Variants in ST8SIA2 observed in about 807,000 individuals in gnomAD.
ST8SIA2 encodes the protein alpha-2,8-sialyltransferase 8B.
ST8SIA2 carries 22 observed loss-of-function variants against 37.6 expected under a neutral mutation model. That is an observed-to-expected ratio of 0.58 (90% CI 0.42 to 0.83). The LOEUF (loss-of-function observed/expected upper bound fraction) is 0.83, where lower values mean the gene tolerates loss of function less well. Among genes scored for constraint, ST8SIA2 ranks in the 40% least tolerant of loss-of-function variants. The probability of loss-of-function intolerance (pLI) is 0.00; values close to 1 mark genes in which losing one functional copy is unlikely to be tolerated. For synonymous variants in ST8SIA2, 205 were observed against 201.2 expected, an observed-to-expected ratio of 1.02 and a Z score of -0.16; for missense variants, 382 against 484.7, an observed-to-expected ratio of 0.79 and a Z score of 1.99.
At chr15:92,429,997 C>T in intron 1 of ST8SIA2, 52 bp from the exon 2 acceptor site, 4 of 1,599,170 alleles carry the variant, frequency 2.5e-6, no homozygotes, top group South Asian at 2.2e-5. Flanking sequence ...TTGAAGAGGG[C>T]TTTGCAAAGA....
chr15:92,458,347 G>A (rs371973925), intron 5 of ST8SIA2, among the ~76,000 whole-genome samples: 3 of 152,174 alleles, frequency 2.0e-5, no homozygotes, highest in Admixed American at 6.5e-5. Flanking sequence ...TGTCTTTGTC[G>A]CAGGCTATCG....
Position 92,393,937 on chromosome 15 carries a change from C to A in ST8SIA2, c.-128C>A. Reference sequence around the variant, plus strand: ...CTGCCGCTGCCGCCGCCGGCCCGGACTCGTCCGGAGCGCAGGGTGTCTGCC... The same window carrying A: ...CTGCCGCTGCCGCCGCCGGCCCGGAATCGTCCGGAGCGCAGGGTGTCTGCC... On this transcript the variant is annotated 5_prime_UTR_variant, in exon 1 of 6. Transcript: ENST00000268164. 2.6e-6 allele frequency: 1 copy of A among 390,432 alleles called. No homozygotes were observed. Among genetic ancestry groups the A allele is most frequent in the Non-Finnish European group, 4.0e-6 (1 of 249,556 alleles). 24.2% of individuals were successfully genotyped at this position (390,432 alleles called of 1,614,324 possible).
intron 2 of ST8SIA2, 151 bp downstream of exon 2, chr15:92,430,262 G>T (rs535205207): frequency 7.4e-6 from 6 of 808,624 alleles, no homozygotes; most frequent in Non-Finnish European, 1.2e-5. Context: ...ACTTTTGGGG[G>T]GAGCTGTCAA....
intron 5 of ST8SIA2, among the ~76,000 whole-genome samples, chr15:92,458,985 AAG>A (rs1351677306): frequency 6.6e-6 from 1 of 152,162 alleles, no homozygotes; most frequent in African/African-American, 2.4e-5. Context: ...GGAGGTGGGA[AAG>A]AGAGTTCACC....
At chr15:92,412,910 G>A (rs1360476479) in intron 1 of ST8SIA2, among the ~76,000 whole-genome samples, 4 of 152,108 alleles carry the variant, frequency 2.6e-5, no homozygotes, top group East Asian at 1.9e-4. Flanking sequence ...CGCCCACCTC[G>A]GCCTCCCAAA....
rs764304996 is a variant in ST8SIA2 at position 92,444,759 on chromosome 15, G to A, written c.672G>A (p.Glu224=). 1 of 1,614,192 alleles carries A rather than the reference G, an allele frequency of 6.2e-7. No homozygotes were observed. Among genetic ancestry groups the A allele is most frequent in the Non-Finnish European group, 8.5e-7 (1 of 1,180,044 alleles). The change falls in exon 5 of 6, where the codon GAG becomes GAA. Residue 224 remains glutamate (E), a synonymous_variant. Transcript: ENST00000268164. ...FEDLVNATWR[E]KLLQRLHSLN... is the part of the protein sequence containing the mutation. ...ACTTGGTCAATGCCACGTGGCGGGA[G>A]AAGCTGCTGCAACGGCTGCACAGCC...
intron 3 of ST8SIA2, among the ~76,000 whole-genome samples, 194 bp from the exon 4 acceptor site, chr15:92,438,159 C>T (rs534526981): frequency 2.8e-4 from 43 of 152,310 alleles, no homozygotes; most frequent in Non-Finnish European, 6.0e-4. Flanking sequence ...TGGCCACCAC[C>T]GTAGTTGCTT....
At chr15:92,394,617 G>A (rs1022761824) in intron 1 of ST8SIA2, among the ~76,000 whole-genome samples, 19 of 152,312 alleles carry the variant, frequency 1.2e-4, no homozygotes, top group African/African-American at 4.3e-4. Context: ...TGAGCTGGGG[G>A]AGGGGTTCCT....
At chr15:92,427,261 A>C (rs1488512328) in intron 1 of ST8SIA2, among the ~76,000 whole-genome samples, 1 of 32,832 alleles carries the variant, frequency 3.0e-5, no homozygotes, top group Non-Finnish European at 5.3e-5. Flanking sequence ...GGCACTTGGC[A>C]AAAAAAAAAA....
At chr15:92,404,901 C>T (rs1360188409) in intron 1 of ST8SIA2, among the ~76,000 whole-genome samples, 1 of 151,274 alleles carries the variant, frequency 6.6e-6, no homozygotes. Context: ...TTCATAGTAA[C>T]CTTATTCACG....
chr15:92,402,564 G>A (rs2049479373), intron 1 of ST8SIA2, among the ~76,000 whole-genome samples: 1 of 152,128 alleles, frequency 6.6e-6, no homozygotes, highest in Admixed American at 6.5e-5. Context: ...AATAAGCCTT[G>A]GAAACACAAA....
At chr15:92,429,740 G>A (rs917762214) in intron 1 of ST8SIA2, among the ~76,000 whole-genome samples, 2 of 152,234 alleles carry the variant, frequency 1.3e-5, no homozygotes, top group African/African-American at 4.8e-5. Context: ...GGATTCACCA[G>A]GGGAGACTAA....
rs188678393 is a variant in ST8SIA2 at position 92,425,489 on chromosome 15, C to A, written c.99-4560C>A. Among the ~76,000 whole-genome samples the A allele has an allele frequency of 3.2e-4, 48 of 152,332 alleles. No individual in the cohort carries two copies. The South Asian group carries it at 9.7e-3, about 31-fold the overall frequency. On this transcript the variant is annotated intron_variant, in intron 1 of 5. Transcript: ENST00000268164. ...AGGCTAAGAAAGTGAACAAGACAGG[C>A]TTCTATTCTGTTTTACTGTAGGTTC...
intron 3 of ST8SIA2, among the ~76,000 whole-genome samples, chr15:92,435,844 C>T (rs1306898655): frequency 6.6e-6 from 1 of 152,150 alleles, no homozygotes; most frequent in Non-Finnish European, 1.5e-5. Context: ...ACTGCATTAG[C>T]TCCCTAGGGC....
chr15:92,404,178 G>A (rs1334532860), intron 1 of ST8SIA2, among the ~76,000 whole-genome samples: 2 of 152,220 alleles, frequency 1.3e-5, no homozygotes, highest in Non-Finnish European at 2.9e-5. Flanking sequence ...GGACTGACAA[G>A]TTCTTGCCAG....
intron 5 of ST8SIA2, among the ~76,000 whole-genome samples, chr15:92,462,149 C>T (rs1032967894): frequency 1.3e-5 from 2 of 152,186 alleles, no homozygotes; most frequent in African/African-American, 2.4e-5. Context: ...GTGTTCACTC[C>T]GATTCTGGCC....
At chr15:92,447,530 T>A (rs1208860556) in intron 5 of ST8SIA2, among the ~76,000 whole-genome samples, 2 of 152,158 alleles carry the variant, frequency 1.3e-5, no homozygotes, top group African/African-American at 4.8e-5. Flanking sequence ...GACTCCCCAC[T>A]GACTGAGGGG....
intron 4 of ST8SIA2, among the ~76,000 whole-genome samples, chr15:92,443,719 C>A (rs2049820076): frequency 6.6e-6 from 1 of 152,108 alleles, no homozygotes; most frequent in South Asian, 2.1e-4. Flanking sequence ...TCCCTAAACA[C>A]CCATGCTGTT....
At chr15:92,448,748 C>A (rs1026560857) in intron 5 of ST8SIA2, among the ~76,000 whole-genome samples, 3 of 152,104 alleles carry the variant, frequency 2.0e-5, no homozygotes, top group Non-Finnish European at 4.4e-5. Context: ...GCTGGAGCCA[C>A]AAGGAGGAGA....
Sources: allele counts gnomAD v4.1 joint callset (sites outside exome capture counted in the v4.1 genomes callset), GRCh38; gene constraint gnomAD v4.1.1; transcripts MANE v1.5; gene names NCBI Gene and HGNC (gene_info 2026-07-23, HGNC 2026-07-21).